SKAP1: variants seen among roughly 807,000 people sequenced by gnomAD.
SKAP1 encodes src kinase associated phosphoprotein 1.
Under a neutral mutation model 58.5 loss-of-function variants are expected in SKAP1, and 44 were observed. The ratio of observed to expected loss-of-function variants is 0.75; its 90% confidence interval spans 0.59 to 0.97. The LOEUF (loss-of-function observed/expected upper bound fraction) is 0.97, where lower values mean the gene tolerates loss of function less well. Ranked by LOEUF, SKAP1 falls within the 50% of genes least tolerant of loss-of-function variation. The probability of loss-of-function intolerance (pLI) is 0.00; values close to 1 mark genes in which losing one functional copy is unlikely to be tolerated. For missense variants in SKAP1, 390 were observed against 435.2 expected (o/e 0.90, Z 0.92); for synonymous variants, 127 against 149.7 (o/e 0.85, Z 1.11).
At chr17:48,270,490 C>T (rs1373859972) in intron 4 of SKAP1, among the ~76,000 whole-genome samples, 4 of 151,826 alleles carry the variant, frequency 2.6e-5, no homozygotes, top group Admixed American at 6.6e-5. Flanking sequence ...ATTACAGGTG[C>T]GCGCCACATG....
intron 4 of SKAP1, chr17:48,294,187 A>G (rs1567856169): frequency 1.3e-5 from 2 of 152,158 alleles, no homozygotes; most frequent in Non-Finnish European, 2.9e-5. Flanking sequence ...GTAAAGTCCT[A>G]TAGAAAAAAA....
chr17:48,211,008 A>G (rs1000545737), intron 4 of SKAP1, among the ~76,000 whole-genome samples: 10 of 152,196 alleles, frequency 6.6e-5, no homozygotes, highest in African/African-American at 2.2e-4. Flanking sequence ...ATGTATAAAA[A>G]GACTGGGGGG....
At chr17:48,185,071 C>A in intron 6 of SKAP1, 1 of 483,352 alleles carries the variant, frequency 2.1e-6, no homozygotes, top group Non-Finnish European at 3.6e-6. Context: ...GTTATTTTGC[C>A]AAAAGAGTAC....
At chr17:48,361,626 G>T (rs1259722469) in intron 3 of SKAP1, among the ~76,000 whole-genome samples, 1 of 152,156 alleles carries the variant, frequency 6.6e-6, no homozygotes. Flanking sequence ...ATATCTTGAA[G>T]AACTCAAGTG....
intron 4 of SKAP1, among the ~76,000 whole-genome samples, chr17:48,289,268 A>G (rs1014458704): frequency 6.6e-5 from 10 of 152,162 alleles, no homozygotes; most frequent in African/African-American, 2.4e-4. Context: ...TATCATATTC[A>G]AAGGCCTGAA....
At chr17:48,231,391 T>C (rs1054840237) in intron 4 of SKAP1, among the ~76,000 whole-genome samples, 1 of 152,094 alleles carries the variant, frequency 6.6e-6, no homozygotes, top group African/African-American at 2.4e-5. Context: ...TGTAAAAGCA[T>C]ACATGCTTAC....
At chr17:48,210,908 C>T (rs527870298) in intron 4 of SKAP1, among the ~76,000 whole-genome samples, 1 of 152,198 alleles carries the variant, frequency 6.6e-6, no homozygotes, top group South Asian at 2.1e-4. Flanking sequence ...GAAGTCCTTA[C>T]CAGATGTATC....
At chr17:48,166,135 G>A (rs1457598654) in intron 10 of SKAP1, among the ~76,000 whole-genome samples, 1 of 152,062 alleles carries the variant, frequency 6.6e-6, no homozygotes, top group Non-Finnish European at 1.5e-5. Context: ...GAAGCTAATG[G>A]GTATGATCAC....
intron 4 of SKAP1, chr17:48,294,493 G>A (rs979670307): frequency 6.6e-6 from 1 of 152,122 alleles, no homozygotes; most frequent in Admixed American, 6.6e-5. Flanking sequence ...AGGAGAAAGG[G>A]TCCACACATC....
At chr17:48,165,383 C>CT (rs1374885458) in intron 10 of SKAP1, among the ~76,000 whole-genome samples, 14 of 2,692 alleles carry the variant, frequency 5.2e-3, no homozygotes, top group East Asian at 0.033. Context: ...CTTTTCTTTT[C>CT]TTTCTTTCTT....
intron 4 of SKAP1, among the ~76,000 whole-genome samples, chr17:48,309,155 A>G (rs926328462): frequency 2.0e-5 from 3 of 152,172 alleles, no homozygotes; most frequent in African/African-American, 7.2e-5. Context: ...AATCTCAAGC[A>G]GGTTTTAGAT....
intron 3 of SKAP1, among the ~76,000 whole-genome samples, chr17:48,349,565 T>C (rs2066769285): frequency 6.6e-6 from 1 of 152,222 alleles, no homozygotes; most frequent in Admixed American, 6.5e-5. Flanking sequence ...AGTGGAACTA[T>C]ATCAAGGGTT....
At chr17:48,154,747 T>A (rs1163048770) in intron 11 of SKAP1, among the ~76,000 whole-genome samples, 2 of 151,886 alleles carry the variant, frequency 1.3e-5, no homozygotes, top group African/African-American at 2.4e-5. Context: ...AGGATGCTTT[T>A]AAAAAAAATG....
chr17:48,413,759 A>C (rs2067698288), intron 1 of SKAP1, among the ~76,000 whole-genome samples: 1 of 151,874 alleles, frequency 6.6e-6, no homozygotes. Flanking sequence ...TTCTAATATA[A>C]ACATCATGTG....
Position 48,193,703 on chromosome 17 carries a change from C to T in SKAP1, c.281-4203G>A. The stretch of plus-strand genomic sequence containing the variant: ...TCCTACTGATCAAGAACTAGTGATC[C>T]TGAGGATGAACAGTGTTAGCCATGC... On this transcript the variant is annotated intron_variant, in intron 4 of 12. Transcript: ENST00000336915. 3.0e-6 allele frequency: 3 copies of T among 984,694 alleles called. No homozygotes were observed. The South Asian group carries it at 1.4e-4, about 46-fold the overall frequency. 61.0% of individuals were successfully genotyped at this position (984,694 alleles called of 1,614,324 possible).
chr17:48,366,675 C>G (rs554673559), intron 2 of SKAP1, among the ~76,000 whole-genome samples: 5 of 152,304 alleles, frequency 3.3e-5, no homozygotes, highest in African/African-American at 9.6e-5. Flanking sequence ...AAACTCCTTT[C>G]TGTAAAACAT....
At chr17:48,230,545 A>G (rs1392314124) in intron 4 of SKAP1, among the ~76,000 whole-genome samples, 1 of 152,124 alleles carries the variant, frequency 6.6e-6, no homozygotes, top group Non-Finnish European at 1.5e-5. Context: ...GCTTGAGGCC[A>G]GGAGTGTGAG....
chr17:48,410,922 G>A lies in SKAP1; in HGVS notation c.47-14137C>T, dbSNP rs147324811. On this transcript the variant is annotated intron_variant, in intron 1 of 12. Coordinates refer to ENST00000336915, the MANE Select transcript of SKAP1 (RefSeq NM_003726.4). ...AGCCTGGGTGACAGAGCGACAGAGC[G>A]AGACTCCATTTCAAAAAAAAAAAAA... Among the ~76,000 whole-genome samples the A allele has an allele frequency of 6.6e-3, 658 of 99,920 alleles. 5 individuals are homozygous for A. The highest frequency in any genetic ancestry group is 0.021 in the Middle Eastern group (2 of 96). The allele number at this position is 99,920 out of a possible 152,430, so 65.6% of individuals were successfully genotyped here.
intron 11 of SKAP1, among the ~76,000 whole-genome samples, chr17:48,154,010 G>A (rs1191136613): frequency 6.6e-6 from 1 of 152,052 alleles, no homozygotes; most frequent in Non-Finnish European, 1.5e-5. Flanking sequence ...AAAAGAGGAA[G>A]TATTGCTGCA....
Sources: gnomAD v4.1 joint callset for allele counts (sites outside exome capture counted in the v4.1 genomes callset) on GRCh38, gnomAD v4.1.1 for gene constraint, MANE v1.5 for transcripts, NCBI Gene and HGNC (gene_info 2026-07-23, HGNC 2026-07-21) for gene names.